SLC2A6: variants seen among roughly 807,000 people sequenced by gnomAD.
SLC2A6 encodes the protein solute carrier family 2 member 6.
SLC2A6 carries 39 observed loss-of-function variants against 47.8 expected under a neutral mutation model. That is an observed-to-expected ratio of 0.82 (90% CI 0.63 to 1.07). The LOEUF is 1.07. Among genes scored for constraint, SLC2A6 ranks in the 50% least tolerant of loss-of-function variants. SLC2A6 has a pLI of 0.00. For synonymous variants in SLC2A6, 346 were observed against 324.1 expected, an observed-to-expected ratio of 1.07 and a Z score of -0.73; for missense variants, 650 against 707.6, an observed-to-expected ratio of 0.92 and a Z score of 0.92.
In SLC2A6 at chr9:133,473,511, C is replaced by T; in HGVS notation, c.1126G>A (p.Glu376Lys). The change falls in exon 8 of 10, where the codon GAA (glutamate) becomes AAA (lysine). Residue 376 changes from glutamate to lysine, a missense_variant. Coordinates refer to ENST00000371899, the MANE Select transcript of SLC2A6 (RefSeq NM_017585.4). ...PLSPNSTAGL[E>K]SESWGDLAQP... is the part of the protein sequence containing the mutation. ...GCCAAGTCCCCCCAGGACTCGCTTT[C>T]CAGGCCCGCAGTGCTGTTGGGGCTC... The T allele has an allele frequency of 6.2e-7, 1 of 1,600,468 alleles. No homozygotes were observed. Among genetic ancestry groups the T allele is most frequent in the Non-Finnish European group, 8.5e-7 (1 of 1,175,216 alleles).
intron 6 of SLC2A6, 135 bp downstream of exon 6, chr9:133,474,826 T>A (rs943119802): frequency 2.4e-6 from 2 of 830,796 alleles, no homozygotes; most frequent in Non-Finnish European, 3.4e-6. Context: ...TGCTGTGGCA[T>A]CCCTGACACC....
At chr9:133,478,587 C>G in intron 1 of SLC2A6, 171 bp from the exon 2 acceptor site, 1 of 702,474 alleles carries the variant, frequency 1.4e-6, no homozygotes, top group South Asian at 1.9e-5. Context: ...GGGAAATTCC[C>G]AGGCCATTGT....
chr9:133,475,461 C>T lies in SLC2A6; in HGVS notation c.713G>A (p.Arg238His), dbSNP rs376983675. Residue 238 changes from arginine to histidine, a missense_variant, in exon 5 of 10, where the codon CGT becomes CAT. Arg to His is a conservative substitution (Grantham distance 29). Transcript: ENST00000371899. ...CCAGTGGACATCGACGTCCGTCCCA[C>T]GCAGCCAGGCCAGCGCCCGCAGGGC... ...EEALRALAWL[R>H]GTDVDVHWEF... 20 of 1,611,864 alleles carry T rather than the reference C, an allele frequency of 1.2e-5. No individual in the cohort carries two copies. Among genetic ancestry groups the T allele is most frequent in the East Asian group, 1.1e-4 (5 of 44,874 alleles).
rs199952758 is a variant in SLC2A6, at chr9:133,476,352, G to A, written c.463-16C>T. 5 of 1,607,854 alleles carry A rather than the reference G, an allele frequency of 3.1e-6. No homozygotes were observed. The highest frequency in any genetic ancestry group is 3.4e-6 in the Non-Finnish European group (4 of 1,175,262). On this transcript the variant is annotated splice_polypyrimidine_tract_variant and intron_variant, in intron 3 of 9. Coordinates refer to ENST00000371899, the MANE Select transcript of SLC2A6 (RefSeq NM_017585.4). ...ACACGTACACCTGCAAGACACAGCC[G>A]CCGCACCAGGTTTTGCTGAAAATAC...
rs1554803862 is a variant in SLC2A6, at chr9:133,478,303, G to T, written c.206C>A (p.Ser69Tyr). 6.2e-7 allele frequency: 1 copy of T among 1,613,972 alleles called. No individual in the cohort carries two copies. Among genetic ancestry groups the T allele is most frequent in the East Asian group, 2.2e-5 (1 of 44,896 alleles). The change falls in exon 2 of 10, where the codon TCC becomes TAC. Residue 69 changes from serine (S) to tyrosine (Y), a missense_variant. Physicochemically the swap from Ser to Tyr is moderately radical, Grantham distance 144. Transcript: ENST00000371899. ...TSPVIPALER[S>Y]LDPDLHLTKS... ...GGTCAGATGCAGGTCAGGATCCAAG[G>T]AGCGCTCCAGGGCTGGGATGACAGG... is the stretch of plus-strand genomic sequence containing the variant.
intron 3 of SLC2A6, 113 bp downstream of exon 3, chr9:133,476,922 G>T: frequency 8.2e-7 from 1 of 1,219,794 alleles, no homozygotes; most frequent in Non-Finnish European, 1.1e-6. Flanking sequence ...CGCAGGGAAG[G>T]CAAACAATTC....
At chr9:133,474,221 C>G in intron 6 of SLC2A6, 133 bp from the exon 7 acceptor site, 1 of 631,368 alleles carries the variant, frequency 1.6e-6, no homozygotes, top group Non-Finnish European at 2.7e-6. Flanking sequence ...GGCCTGGCAC[C>G]TGCAGCGTGC....
rs1239971502 is a variant in SLC2A6 at position 133,471,225 on chromosome 9, T to TA, written c.*795_*796insT. On this transcript the variant is annotated 3_prime_UTR_variant, in exon 10 of 10. Coordinates refer to ENST00000371899, the MANE Select transcript of SLC2A6 (RefSeq NM_017585.4). ...GTCCTTTGCCCTGGCTTTTTTTTTTTTTTTTTTGGCAGGGGGTGGGGACGG... is the reference window on the plus strand; with the variant it reads ...GTCCTTTGCCCTGGCTTTTTTTTTTTATTTTTTTGGCAGGGGGTGGGGACGG... 6.6e-6 allele frequency: 1 copy of TA among 151,284 alleles called. No individual in the cohort carries two copies. The highest frequency in any genetic ancestry group is 2.4e-5 in the African/African-American group (1 of 41,194). The allele number at this position is 151,284 out of a possible 1,614,324, so 9.4% of individuals were successfully genotyped here. A position where few individuals can be genotyped will look rare whatever the true frequency, so the allele number is the denominator to read the frequency against.
At chr9:133,472,772 C>T (rs962721286) in intron 9 of SLC2A6, among the ~76,000 whole-genome samples, 2 of 152,110 alleles carry the variant, frequency 1.3e-5, no homozygotes, top group South Asian at 2.1e-4. Flanking sequence ...TGAGACCCAG[C>T]GCCCAGGAGG....
At position 133,478,978 on chromosome 9, in the gene SLC2A6, C is replaced by T; in HGVS notation, c.82G>A (p.Ala28Thr). ...CCTAGCGACTCTCACCCGACCCGCG[C>T]CCTGTCCCCTGGCGACGGGGGCGGC... ...EKPPPSPGDR[A>T]RVGTLQNKRV... Residue 28 changes from alanine to threonine, a missense_variant, in exon 1 of 10, where the codon GCG (alanine) becomes ACG (threonine). By Grantham distance (58) the Ala-to-Thr change is moderately conservative. Coordinates refer to ENST00000371899, the MANE Select transcript of SLC2A6 (RefSeq NM_017585.4). 2.5e-6 allele frequency: 4 copies of T among 1,589,210 alleles called. No individual in the cohort carries two copies. The highest frequency in any genetic ancestry group is 3.4e-6 in the Non-Finnish European group (4 of 1,171,678).
In SLC2A6 at chr9:133,475,075, G is replaced by T. The variant is rs781825126; in HGVS notation, c.813C>A (p.His271Gln). The T allele has an allele frequency of 1.1e-5, 18 of 1,597,976 alleles. No individual in the cohort carries two copies. Among genetic ancestry groups the T allele is most frequent in the Non-Finnish European group, 1.5e-5 (18 of 1,174,426 alleles). ...AGGCCACGGTGATGGGCCGGCACAC[G>T]TGTGGGGCCCGTGCCTCAGCCCACG... Reference protein sequence around the residue: ...RVSWAEARAPHVCRPITVALL... With the variant: ...RVSWAEARAPQVCRPITVALL... Residue 271 changes from histidine to glutamine, a missense_variant, in exon 6 of 10, where the codon CAC (histidine) becomes CAA (glutamine). Physicochemically the swap from His to Gln is conservative, Grantham distance 24. Coordinates refer to ENST00000371899, the MANE Select transcript of SLC2A6 (RefSeq NM_017585.4).
At chr9:133,476,789 T>G (rs899465796) in intron 3 of SLC2A6, among the ~76,000 whole-genome samples, 1 of 152,232 alleles carries the variant, frequency 6.6e-6, no homozygotes, top group Admixed American at 6.5e-5. Flanking sequence ...GTAATACATC[T>G]GACCGGTCAA....
intron 9 of SLC2A6, 52 bp from the exon 10 acceptor site, chr9:133,472,228 T>C: frequency 6.2e-7 from 1 of 1,600,786 alleles, no homozygotes; most frequent in Non-Finnish European, 8.5e-7. Context: ...AGGGTCCTCC[T>C]GCCCCAGAGG....
At chr9:133,478,157 C>T in intron 2 of SLC2A6, 97 bp downstream of exon 2, 1 of 1,382,722 alleles carries the variant, frequency 7.2e-7, no homozygotes, top group Non-Finnish European at 1.0e-6. Flanking sequence ...CCTGGAGGGA[C>T]CCCCAAGGTG....
chr9:133,477,061 C>G lies in SLC2A6; in HGVS notation c.436G>C (p.Gly146Arg). The change falls in exon 3 of 10, where the codon GGG (glycine) becomes CGG (arginine). Residue 146 changes from glycine to arginine, a missense_variant. Physicochemically the swap from Gly to Arg is moderately radical, Grantham distance 125. Transcript: ENST00000371899. ...LLGRTLTGFA[G>R]GLTAACIPVY... ...GGGATGCAGGCAGCTGTGAGCCCCC[C>G]GGCGAAGCCCGTCAGCGTCCTTCCG... is the stretch of plus-strand genomic sequence containing the variant. 2 of 1,546,346 alleles carry G rather than the reference C, an allele frequency of 1.3e-6. No individual in the cohort carries two copies. Among genetic ancestry groups the G allele is most frequent in the Non-Finnish European group, 1.7e-6 (2 of 1,146,200 alleles).
chr9:133,472,207 G>A, intron 9 of SLC2A6, 31 bp from the exon 10 acceptor site: 1 of 1,608,850 alleles, frequency 6.2e-7, no homozygotes, highest in Non-Finnish European at 8.5e-7. Context: ...CGGGTCACAG[G>A]GAGAAGCTCC....
intron 6 of SLC2A6, among the ~76,000 whole-genome samples, chr9:133,474,414 A>G (rs782410544): frequency 1.1e-4 from 17 of 152,240 alleles, no homozygotes; most frequent in Non-Finnish European, 1.9e-4. Context: ...ATGTGCTGCT[A>G]TCTTCATCTT....
Position 133,473,941 on chromosome 9 carries a change from G to A in SLC2A6, c.1036+39C>T, listed in dbSNP as rs782304341. The A allele has an allele frequency of 3.2e-5, 47 of 1,488,894 alleles. 1 individual carries two copies. The highest frequency in any genetic ancestry group is 3.0e-4 in the South Asian group (25 of 82,124). 92.2% of individuals were successfully genotyped at this position (1,488,894 alleles called of 1,614,324 possible). A position where few individuals can be genotyped will look rare whatever the true frequency, so the allele number is the denominator to read the frequency against. On this transcript the variant is annotated intron_variant, in intron 7 of 9. Coordinates refer to ENST00000371899, the MANE Select transcript of SLC2A6 (RefSeq NM_017585.4). The stretch of plus-strand genomic sequence containing the variant: ...CACCCAGCCCAGCCCTGACCCATGC[G>A]GAGGAGTGGGGCAGGAGGGCTGCCT...
At position 133,476,962 on chromosome 9, in the gene SLC2A6, G is replaced by T; in HGVS notation, c.462+73C>A. The T allele has an allele frequency of 2.1e-6, 3 of 1,455,544 alleles. No homozygotes were observed. The South Asian group carries it at 3.8e-5, about 18-fold the overall frequency. 90.2% of individuals were successfully genotyped at this position (1,455,544 alleles called of 1,614,324 possible). A position where few individuals can be genotyped will look rare whatever the true frequency, so the allele number is the denominator to read the frequency against. On this transcript the variant is annotated intron_variant, in intron 3 of 9. Coordinates refer to ENST00000371899, the MANE Select transcript of SLC2A6 (RefSeq NM_017585.4). ...TGCCCAGAAGGCATGGAGGCTGGGAGGCCTTAGTCAGATGGAGGCTCAGCA... is the reference window on the plus strand; with the variant it reads ...TGCCCAGAAGGCATGGAGGCTGGGATGCCTTAGTCAGATGGAGGCTCAGCA...
Sources: allele counts gnomAD v4.1 joint callset (sites outside exome capture counted in the v4.1 genomes callset), GRCh38; gene constraint gnomAD v4.1.1; transcripts MANE v1.5; gene names NCBI Gene and HGNC (gene_info 2026-07-23, HGNC 2026-07-21).